Variants in NCKAP1 observed in about 807,000 individuals in gnomAD.
NCKAP1 encodes NCK associated protein 1.
Under a neutral mutation model 151.2 loss-of-function variants are expected in NCKAP1, and 21 were observed. The ratio of observed to expected loss-of-function variants is 0.14; its 90% CI spans 0.10 to 0.20. The LOEUF (loss-of-function observed/expected upper bound fraction) is 0.20, where lower values mean the gene tolerates loss of function less well. NCKAP1 is among the 10% of genes least tolerant of loss of function. The pLI is 1.00. For missense variants in NCKAP1, 933 were observed against 1,352.1 expected (o/e 0.69, Z 4.86); for synonymous variants, 484 against 451.8 (o/e 1.07, Z -0.90).
intron 20 of NCKAP1, 23 bp from the exon 21 acceptor site, chr2:182,953,354 T>A: frequency 6.5e-7 from 1 of 1,543,168 alleles, no homozygotes; most frequent in African/African-American, 1.4e-5. Flanking sequence ...GATAGAAGAA[T>A]AAGAAAAGCC....
chr2:182,964,892 G>C (rs979040900), intron 16 of NCKAP1, 84 bp from the exon 17 acceptor site: 1 of 1,043,544 alleles, frequency 9.6e-7, no homozygotes, highest in East Asian at 2.7e-5. Flanking sequence ...TTTGATTCAA[G>C]TGAATGAATG....
At position 182,914,498 on chromosome 2, in the gene NCKAP1, A is replaced by AG. The variant is rs1395305860; in HGVS notation, c.*11203_*11204insC. Reference sequence around the variant, plus strand: ...ATATCAAGCTTTAAAAAACCAATTAAAAAATTAAAAGAGGAAATGGAGATA... The same window carrying AG: ...ATATCAAGCTTTAAAAAACCAATTAAGAAAATTAAAAGAGGAAATGGAGATA... On this transcript the variant is annotated 3_prime_UTR_variant, in exon 31 of 31. Coordinates refer to ENST00000361354, the MANE Select transcript of NCKAP1 (RefSeq NM_013436.5). The AG allele has an allele frequency of 1.2e-4, 2 of 16,028 alleles. No homozygotes were observed. The highest frequency in any genetic ancestry group is 2.3e-4 in the African/African-American group (2 of 8,858). The allele number at this position is 16,028 out of a possible 1,614,324, so 1.0% of individuals were successfully genotyped here.
At chr2:183,009,191 T>C (rs1235579143) in intron 2 of NCKAP1, among the ~76,000 whole-genome samples, 2 of 152,034 alleles carry the variant, frequency 1.3e-5, no homozygotes, top group Non-Finnish European at 2.9e-5. Context: ...CTGGACAACA[T>C]GGTGAAACTC....
At chr2:183,012,382 AGTTTT>A (rs1175860821) in intron 2 of NCKAP1, among the ~76,000 whole-genome samples, 1 of 152,174 alleles carries the variant, frequency 6.6e-6, no homozygotes, top group Non-Finnish European at 1.5e-5. Flanking sequence ...GCTGATGTTA[AGTTTT>A]CTCAAGCCTG....
chr2:182,916,909 T>G lies in NCKAP1; in HGVS notation c.*8793A>C, dbSNP rs1696476976. On this transcript the variant is annotated 3_prime_UTR_variant, in exon 31 of 31. Transcript: ENST00000361354. ...TTAAGATAAAGACTCCGATCAGAGC[T>G]ATAGAATAGACTAACACACAAATGT... 6.6e-6 allele frequency: 1 copy of G among 152,178 alleles called. No homozygotes were observed. The highest frequency in any genetic ancestry group is 2.1e-4 in the South Asian group (1 of 4,830). The allele number at this position is 152,178 out of a possible 1,614,324, so 9.4% of individuals were successfully genotyped here.
intron 23 of NCKAP1, among the ~76,000 whole-genome samples, chr2:182,951,020 G>A (rs1213551962): frequency 8.6e-5 from 13 of 151,862 alleles, no homozygotes; most frequent in African/African-American, 2.7e-4. Flanking sequence ...TTCAGTAGAG[G>A]GGGGATTTCA....
intron 18 of NCKAP1, among the ~76,000 whole-genome samples, chr2:182,958,014 T>G (rs1252786997): frequency 6.6e-6 from 1 of 152,178 alleles, no homozygotes; most frequent in African/African-American, 2.4e-5. Flanking sequence ...GAGCATAACG[T>G]GTAAGGTAAA....
chr2:183,004,798 C>A (rs1575060256), intron 2 of NCKAP1, among the ~76,000 whole-genome samples: 1 of 150,844 alleles, frequency 6.6e-6, no homozygotes, highest in Non-Finnish European at 1.5e-5. Context: ...ACAGGAGAAT[C>A]GCTTGAACTA....
intron 28 of NCKAP1, 28 bp from the exon 29 acceptor site, chr2:182,928,254 G>C (rs557424797): frequency 6.7e-7 from 1 of 1,500,710 alleles, no homozygotes; most frequent in South Asian, 1.2e-5. Context: ...GGGTTGTGTA[G>C]ACCCCAAAAT....
chr2:182,945,565 T>A (rs2105815090), intron 23 of NCKAP1, among the ~76,000 whole-genome samples: 1 of 152,282 alleles, frequency 6.6e-6, no homozygotes, highest in African/African-American at 2.4e-5. Context: ...ACTACAATAT[T>A]TTCAGAGGGA....
chr2:182,971,588 A>C (rs1388658919), intron 15 of NCKAP1, among the ~76,000 whole-genome samples: 1 of 152,076 alleles, frequency 6.6e-6, no homozygotes, highest in Non-Finnish European at 1.5e-5. Flanking sequence ...AAAAACTAGA[A>C]GAGCCAAATC....
intron 27 of NCKAP1, among the ~76,000 whole-genome samples, chr2:182,929,700 T>C (rs949339873): frequency 4.0e-5 from 6 of 151,608 alleles, no homozygotes; most frequent in African/African-American, 1.5e-4. Flanking sequence ...ATAATTATAA[T>C]TATCCATGTG....
rs551497631 is a variant in NCKAP1 at position 182,995,253 on chromosome 2, T to C, written c.742-366A>G. ...GTTAAAAGACATTTATGTGTCTGAA[T>C]ACTCACTGTCTCACCAAAATCAGTA... On this transcript the variant is annotated intron_variant, in intron 7 of 30. Transcript: ENST00000361354. Among the ~76,000 whole-genome samples, 5 of 152,352 alleles carry C rather than the reference T, an allele frequency of 3.3e-5. No homozygotes were observed. The South Asian group carries it at 1.0e-3, about 32-fold the overall frequency.
At chr2:182,951,982 AT>A (rs1697226656) in intron 23 of NCKAP1, among the ~76,000 whole-genome samples, 1 of 152,204 alleles carries the variant, frequency 6.6e-6, no homozygotes, top group Non-Finnish European at 1.5e-5. Context: ...AATTTAAAAG[AT>A]TACCTAAGAA....
chr2:183,033,438 T>A (rs1699043426), intron 1 of NCKAP1, among the ~76,000 whole-genome samples: 1 of 152,130 alleles, frequency 6.6e-6, no homozygotes, highest in African/African-American at 2.4e-5. Context: ...AATCCTTAAT[T>A]CCCTTCTCAA....
chr2:182,970,797 T>G (rs1697671229), intron 15 of NCKAP1, among the ~76,000 whole-genome samples: 1 of 152,176 alleles, frequency 6.6e-6, no homozygotes, highest in African/African-American at 2.4e-5. Context: ...ATAAAAGGCA[T>G]GCAAACTTGA....
At chr2:182,928,054 G>A in intron 29 of NCKAP1, 63 bp downstream of exon 29, 1 of 1,126,640 alleles carries the variant, frequency 8.9e-7, no homozygotes, top group East Asian at 2.4e-5. Flanking sequence ...CTTACATTTT[G>A]TGGTTGTGAA....
At chr2:182,951,409 C>T (rs1360747039) in intron 23 of NCKAP1, among the ~76,000 whole-genome samples, 1 of 151,552 alleles carries the variant, frequency 6.6e-6, no homozygotes, top group Non-Finnish European at 1.5e-5. Flanking sequence ...TGGCTCATGC[C>T]TGTAATCCCA....
intron 4 of NCKAP1, 107 bp downstream of exon 4, chr2:183,002,867 T>C: frequency 1.4e-6 from 1 of 737,268 alleles, no homozygotes; most frequent in Non-Finnish European, 2.2e-6. Context: ...TTAATAATGC[T>C]AAAACTTTAT....
Sources: allele counts gnomAD v4.1 joint callset (sites outside exome capture counted in the v4.1 genomes callset), GRCh38; gene constraint gnomAD v4.1.1; transcripts MANE v1.5; gene names NCBI Gene and HGNC (gene_info 2026-07-23, HGNC 2026-07-21).